DIP2C: variants seen among roughly 807,000 people sequenced by gnomAD.
The protein encoded by DIP2C is DIP2 acetate--CoA ligase C (putative), also known as disco-interacting protein 2 homolog C.
A neutral mutation model predicts 192.4 loss-of-function variants in DIP2C; 33 were observed. That is an observed-to-expected ratio of 0.17 (90% CI 0.13 to 0.23). The LOEUF (loss-of-function observed/expected upper bound fraction) is 0.23, where lower values mean the gene tolerates loss of function less well. Among genes scored for constraint, DIP2C ranks in the 10% least tolerant of loss-of-function variants. DIP2C has a pLI of 1.00. For synonymous variants in DIP2C, 979 were observed against 864.1 expected (o/e 1.13, Z -2.33); for missense variants, 1,537 against 2,110.1 (o/e 0.73, Z 5.32).
intron 1 of DIP2C, among the ~76,000 whole-genome samples, chr10:511,881 G>A (rs1056804758): frequency 4.6e-5 from 7 of 152,346 alleles, no homozygotes; most frequent in Admixed American, 1.3e-4. Context: ...TGTGTGACAC[G>A]ATAACACCGT....
chr10:326,162 G>C (rs911608843), intron 31 of DIP2C, among the ~76,000 whole-genome samples: 3 of 152,166 alleles, frequency 2.0e-5, no homozygotes, highest in Admixed American at 2.0e-4. Context: ...CTGCACTCCA[G>C]CCTGGGTGAC....
chr10:649,570 T>C (rs1232296188), intron 1 of DIP2C, among the ~76,000 whole-genome samples: 1 of 152,240 alleles, frequency 6.6e-6, no homozygotes. Context: ...GAACCAACTT[T>C]TCCTTTTTTC....
chr10:415,445 A>C (rs2133107760), intron 7 of DIP2C, among the ~76,000 whole-genome samples: 1 of 152,314 alleles, frequency 6.6e-6, no homozygotes, highest in South Asian at 2.1e-4. Context: ...CTGCCAGCGA[A>C]GGATTTCCCC....
chr10:288,567 G>C (rs1244455103), intron 32 of DIP2C, 146 bp from the exon 33 acceptor site: 2 of 808,350 alleles, frequency 2.5e-6, no homozygotes, highest in East Asian at 2.6e-5. Context: ...GCTGCAGAAA[G>C]AGCAGCCCAG....
intron 32 of DIP2C, among the ~76,000 whole-genome samples, chr10:305,815 T>G (rs1956289933): frequency 6.6e-6 from 1 of 151,946 alleles, no homozygotes; most frequent in South Asian, 2.1e-4. Flanking sequence ...TAGTTCATTT[T>G]TAAAAAATGT....
At position 535,180 on chromosome 10, in the gene DIP2C, A is replaced by T. The variant is rs74974428; in HGVS notation, c.86-48650T>A. ...GTACAGCCAGACCCTCCTCTACCGCAGCCTGTTCAGGAGAAGGTGGCACCT... is the reference window on the plus strand; with the variant it reads ...GTACAGCCAGACCCTCCTCTACCGCTGCCTGTTCAGGAGAAGGTGGCACCT... On this transcript the variant is annotated intron_variant, in intron 1 of 36. Coordinates refer to ENST00000280886, the MANE Select transcript of DIP2C (RefSeq NM_014974.3). Among the ~76,000 whole-genome samples the T allele has an allele frequency of 2.1e-3, 326 of 152,158 alleles. 4 individuals are homozygous for T. The highest frequency in any genetic ancestry group is 6.9e-3 in the African/African-American group (288 of 41,522).
chr10:519,951 A>ACC (rs1187775023), intron 1 of DIP2C, among the ~76,000 whole-genome samples: 5 of 152,066 alleles, frequency 3.3e-5, no homozygotes, highest in Admixed American at 6.5e-5. Flanking sequence ...CTCCCAAAGA[A>ACC]CCCTTCTCCG....
At chr10:579,785 C>G (rs1006828097) in intron 1 of DIP2C, among the ~76,000 whole-genome samples, 1 of 151,854 alleles carries the variant, frequency 6.6e-6, no homozygotes, top group African/African-American at 2.4e-5. Context: ...CATCCATATC[C>G]ATATAGCATA....
At chr10:618,632 CTT>C (rs776701429) in intron 1 of DIP2C, among the ~76,000 whole-genome samples, 76 of 152,358 alleles carry the variant, frequency 5.0e-4, no homozygotes, top group Non-Finnish European at 9.1e-4. Flanking sequence ...TCATGACAGA[CTT>C]TGTTTGCTTT....
intron 32 of DIP2C, among the ~76,000 whole-genome samples, chr10:292,794 C>T (rs1955557192): frequency 6.6e-6 from 1 of 152,218 alleles, no homozygotes; most frequent in African/African-American, 2.4e-5. Flanking sequence ...TAATCCTTCC[C>T]TGCAAAGCTA....
chr10:598,491 G>A (rs1159815570), intron 1 of DIP2C, among the ~76,000 whole-genome samples: 1 of 152,168 alleles, frequency 6.6e-6, no homozygotes, highest in African/African-American at 2.4e-5. Flanking sequence ...TCAGTCCGAG[G>A]CCTCGCGACA....
At chr10:278,008 G>A (rs1001351486) in intron 36 of DIP2C, among the ~76,000 whole-genome samples, 2 of 152,216 alleles carry the variant, frequency 1.3e-5, no homozygotes, top group African/African-American at 4.8e-5. Flanking sequence ...CTCTGCTGCT[G>A]AGGGCCGTGC....
chr10:517,537 G>C (rs1301897019), intron 1 of DIP2C, among the ~76,000 whole-genome samples: 2 of 152,158 alleles, frequency 1.3e-5, no homozygotes, highest in Non-Finnish European at 2.9e-5. Flanking sequence ...TTTGGGAAAA[G>C]CCTCCTGCTG....
At chr10:393,860 A>G (rs895065110) in intron 10 of DIP2C, among the ~76,000 whole-genome samples, 1 of 151,170 alleles carries the variant, frequency 6.6e-6, no homozygotes, top group African/African-American at 2.4e-5. Flanking sequence ...AGGAGACATC[A>G]CCTCACATTT....
At chr10:451,167 G>T (rs1015796249) in intron 3 of DIP2C, among the ~76,000 whole-genome samples, 1 of 152,152 alleles carries the variant, frequency 6.6e-6, no homozygotes, top group African/African-American at 2.4e-5. Context: ...ACAGGCGTAC[G>T]TACACCTGGT....
intron 33 of DIP2C, among the ~76,000 whole-genome samples, chr10:287,028 T>G (rs1955177151): frequency 4.2e-5 from 6 of 143,098 alleles, no homozygotes; most frequent in Admixed American, 4.1e-4. Context: ...CCACCGAATT[T>G]TCAACTCAAG....
At chr10:469,291 A>C (rs76299447) in intron 3 of DIP2C, among the ~76,000 whole-genome samples, 2,317 of 149,002 alleles carry the variant, frequency 0.016, 66 homozygotes, top group African/African-American at 0.054. Context: ...TCTTTTGAGC[A>C]TTTCTCAAAT....
intron 32 of DIP2C, among the ~76,000 whole-genome samples, chr10:298,242 G>A (rs1345637252): frequency 2.0e-5 from 3 of 152,196 alleles, no homozygotes; most frequent in African/African-American, 4.8e-5. Context: ...TGACCTTGAC[G>A]GTTTTGAGGG....
At chr10:594,423 G>A (rs1002331293) in intron 1 of DIP2C, among the ~76,000 whole-genome samples, 2 of 151,510 alleles carry the variant, frequency 1.3e-5, no homozygotes, top group African/African-American at 2.4e-5. Context: ...GAACATGGCC[G>A]AGTACAAACC....
Sources: gnomAD v4.1 joint callset for allele counts (sites outside exome capture counted in the v4.1 genomes callset) on GRCh38, gnomAD v4.1.1 for gene constraint, MANE v1.5 for transcripts, NCBI Gene and HGNC (gene_info 2026-07-23, HGNC 2026-07-21) for gene names.